SLC38A12: variants seen among roughly 807,000 people sequenced by gnomAD.
SLC38A12 encodes the protein putative sodium-coupled neutral amino acid transporter 12.
At chr17:74,785,791 T>G in the SLC38A12 span, 1 of 726,214 alleles carries the variant, frequency 1.4e-6, no homozygotes. Flanking sequence ...TGGTGGCTTG[T>G]CTTTGTGGAG....
chr17:74,794,517 T>A, the SLC38A12 span, among the ~76,000 whole-genome samples: 1 of 152,210 alleles, frequency 6.6e-6, no homozygotes, highest in Non-Finnish European at 1.5e-5. Flanking sequence ...CAGGGCTTTT[T>A]ACCCTTTGGA....
At chr17:74,823,285 T>C in the SLC38A12 span, among the ~76,000 whole-genome samples, 4 of 152,096 alleles carry the variant, frequency 2.6e-5, no homozygotes, top group Admixed American at 6.5e-5. Flanking sequence ...AAATCATAAA[T>C]AAATGTGCTG....
the SLC38A12 span, among the ~76,000 whole-genome samples, chr17:74,826,878 G>A: frequency 6.6e-6 from 1 of 152,204 alleles, no homozygotes; most frequent in African/African-American, 2.4e-5. Flanking sequence ...GTGGGGGTAG[G>A]CGGGGGCGTA....
At chr17:74,799,454 G>A in the SLC38A12 span, among the ~76,000 whole-genome samples, 2 of 152,244 alleles carry the variant, frequency 1.3e-5, no homozygotes, top group African/African-American at 4.8e-5. Flanking sequence ...GGAGCTGTGA[G>A]ATCCACCTCC....
the SLC38A12 span, among the ~76,000 whole-genome samples, chr17:74,815,195 G>C: frequency 6.6e-6 from 1 of 152,152 alleles, no homozygotes; most frequent in African/African-American, 2.4e-5. Flanking sequence ...CTTGCAGCGG[G>C]CCATGAGCAT....
At chr17:74,799,873 T>G in the SLC38A12 span, among the ~76,000 whole-genome samples, 1 of 152,176 alleles carries the variant, frequency 6.6e-6, no homozygotes, top group Non-Finnish European at 1.5e-5. Flanking sequence ...TTCATGAGGG[T>G]GCAGAGGGAG....
the SLC38A12 span, among the ~76,000 whole-genome samples, chr17:74,783,588 T>G: frequency 6.6e-6 from 1 of 152,076 alleles, no homozygotes; most frequent in Non-Finnish European, 1.5e-5. Flanking sequence ...TGGCCTCCCT[T>G]TTGTCCTGCT....
the SLC38A12 span, chr17:74,790,964 G>A: frequency 6.2e-7 from 1 of 1,614,050 alleles, no homozygotes; most frequent in Non-Finnish European, 8.5e-7. Flanking sequence ...AGAGAGACGT[G>A]GATCTCCCAA....
chr17:74,819,595 A>G, the SLC38A12 span, among the ~76,000 whole-genome samples: 1 of 152,160 alleles, frequency 6.6e-6, no homozygotes, highest in African/African-American at 2.4e-5. Flanking sequence ...GCACTTACCC[A>G]AGGTGACCCC....
the SLC38A12 span, among the ~76,000 whole-genome samples, chr17:74,783,871 C>T: frequency 2.0e-5 from 3 of 151,794 alleles, no homozygotes; most frequent in Admixed American, 2.0e-4. Flanking sequence ...GCTGGGATTA[C>T]AGGCACACGC....
chr17:74,786,259 C>T, the SLC38A12 span, among the ~76,000 whole-genome samples: 1 of 152,284 alleles, frequency 6.6e-6, no homozygotes, highest in Admixed American at 6.5e-5. Context: ...AGCAAGTGCC[C>T]CAGGCCAGGA....
the SLC38A12 span, among the ~76,000 whole-genome samples, chr17:74,794,239 T>C: frequency 4.6e-5 from 7 of 152,288 alleles, no homozygotes; most frequent in African/African-American, 1.7e-4. Flanking sequence ...CTTACTGGGG[T>C]CCTGAAACAA....
the SLC38A12 span, chr17:74,838,162 G>A: frequency 1.6e-4 from 155 of 985,700 alleles, no homozygotes; most frequent in Middle Eastern, 1.0e-3. Flanking sequence ...GAGTCCCTGC[G>A]TGGTGTAATT....
chr17:74,806,626 T>C, the SLC38A12 span, among the ~76,000 whole-genome samples: 44,901 of 151,906 alleles, frequency 0.3, 6,981 homozygotes, highest in East Asian at 0.42. Context: ...TCACAGTCCC[T>C]ATTTTCTTCC....
the SLC38A12 span, chr17:74,838,921 AGAG>A: frequency 6.5e-7 from 1 of 1,535,750 alleles, no homozygotes; most frequent in Non-Finnish European, 8.7e-7. Flanking sequence ...GAAGAGCAGA[AGAG>A]GATGCCAGCC....
the SLC38A12 span, among the ~76,000 whole-genome samples, chr17:74,821,243 G>T: frequency 6.6e-6 from 1 of 152,194 alleles, no homozygotes; most frequent in African/African-American, 2.4e-5. Context: ...GAGTTGTGAG[G>T]CCCCCACAGG....
the SLC38A12 span, among the ~76,000 whole-genome samples, chr17:74,821,157 G>A: frequency 1.3e-5 from 2 of 152,228 alleles, no homozygotes; most frequent in Non-Finnish European, 2.9e-5. Flanking sequence ...TCCTTGCCTT[G>A]AGCCATGCTC....
At chr17:74,808,977 C>T in the SLC38A12 span, among the ~76,000 whole-genome samples, 2 of 152,200 alleles carry the variant, frequency 1.3e-5, no homozygotes, top group Non-Finnish European at 2.9e-5. Flanking sequence ...GCCTCCCACG[C>T]ACGGGCTCCT....
the SLC38A12 span, chr17:74,838,403 T>A: frequency 9.9e-7 from 1 of 1,005,220 alleles, no homozygotes; most frequent in Non-Finnish European, 1.2e-6. Flanking sequence ...CATCTGGAAC[T>A]ACCCTTCTCC....
Sources: allele counts gnomAD v4.1 joint callset (sites outside exome capture counted in the v4.1 genomes callset), GRCh38; gene constraint gnomAD v4.1.1; transcripts MANE v1.5; gene names NCBI Gene and HGNC (gene_info 2026-07-23, HGNC 2026-07-21).